The following STAT4 variants were observed in gnomAD, a reference collection of about 807,000 sequenced individuals.
STAT4 encodes the protein signal transducer and activator of transcription 4.
Under a neutral mutation model 110.5 loss-of-function variants are expected in STAT4, and 42 were observed. The observed-to-expected ratio is 0.38, with a 90% CI of 0.30 to 0.49. STAT4 has a LOEUF of 0.49. Ranked by LOEUF, STAT4 falls within the 20% of genes least tolerant of loss-of-function variation. The pLI is 0.95. For synonymous variants in STAT4, 284 were observed against 302.2 expected, an observed-to-expected ratio of 0.94 and a Z score of 0.63; for missense variants, 632 against 887.9, an observed-to-expected ratio of 0.71 and a Z score of 3.66.
chr2:191,120,026 C>T (rs1336555005), intron 3 of STAT4, among the ~76,000 whole-genome samples: 4 of 152,128 alleles, frequency 2.6e-5, no homozygotes, highest in Admixed American at 6.5e-5. Context: ...ACCCCTATCT[C>T]GTTCCAGATA....
intron 3 of STAT4, among the ~76,000 whole-genome samples, chr2:191,109,398 GC>G (rs1384877189): frequency 6.6e-6 from 1 of 152,036 alleles, no homozygotes; most frequent in African/African-American, 2.4e-5. Context: ...CATTCACTCA[GC>G]AAATATCTAC....
In STAT4 at chr2:191,051,398, A is replaced by G. The variant is rs761409940; in HGVS notation, c.1251+3092T>C. Among the ~76,000 whole-genome samples the G allele has an allele frequency of 2.0e-5, 3 of 152,224 alleles. No homozygotes were observed. The highest frequency in any genetic ancestry group is 6.5e-5 in the Admixed American group (1 of 15,280). On this transcript the variant is annotated intron_variant, in intron 14 of 23. Coordinates refer to ENST00000392320, the MANE Select transcript of STAT4 (RefSeq NM_003151.4). This position sits in a 1 kb window ranked among gnomAD's most constrained non-coding sequence, Gnocchi z 5.6. Reference sequence around the variant, plus strand: ...ACACACAGCTCATTCAGTCCTCACAACAACCCTTAGAAGTGTAGGTTAACA... The same window carrying G: ...ACACACAGCTCATTCAGTCCTCACAGCAACCCTTAGAAGTGTAGGTTAACA...
chr2:191,079,389 T>C (rs1433261435), intron 3 of STAT4, among the ~76,000 whole-genome samples: 2 of 152,216 alleles, frequency 1.3e-5, no homozygotes, highest in South Asian at 2.1e-4. Flanking sequence ...TATAATCTTA[T>C]ATGTGTTTCA....
intron 3 of STAT4, among the ~76,000 whole-genome samples, chr2:191,123,820 T>C (rs1320833849): frequency 6.6e-6 from 1 of 152,232 alleles, no homozygotes. Context: ...GAGAGTATTG[T>C]ACTGCGTTAT....
Position 191,062,896 on chromosome 2 carries a change from A to G in STAT4, c.807T>C (p.Leu269=), listed in dbSNP as rs747228179. 2 of 1,613,790 alleles carry G rather than the reference A, an allele frequency of 1.2e-6. No homozygotes were observed. The highest frequency in any genetic ancestry group is 1.7e-5 in the Admixed American group (1 of 59,994). ...TCTCCAATTGCCTTCTCAGTTGGAA[A>G]AGACTTTCTGCCAATAGTGTAAAGC... The part of the protein sequence containing the change: ...QNCFTLLAES[L]FQLRRQLEKL... Residue 269 remains leucine (L), a synonymous_variant, in exon 9 of 24, where the codon CTT becomes CTC. Coordinates refer to ENST00000392320, the MANE Select transcript of STAT4 (RefSeq NM_003151.4). This position sits in a 1 kb window ranked among gnomAD's most constrained non-coding sequence, Gnocchi z 4.9.
At position 191,113,933 on chromosome 2, in the gene STAT4, G is replaced by A. The variant is rs544225163; in HGVS notation, c.273+32680C>T. Among the ~76,000 whole-genome samples the A allele has an allele frequency of 1.3e-3, 193 of 152,276 alleles. 2 individuals carry two copies. Among genetic ancestry groups the A allele is most frequent in the African/African-American group, 4.6e-3 (193 of 41,556 alleles). On this transcript the variant is annotated intron_variant, in intron 3 of 23. Coordinates refer to ENST00000392320, the MANE Select transcript of STAT4 (RefSeq NM_003151.4). This position sits in a 1 kb window ranked among gnomAD's most constrained non-coding sequence, Gnocchi z 4.8. ...CTCTCCCTTCTGCTCAACCACCACA[G>A]ACAGGAGGTTCCCCTAGAGTTTATG...
At chr2:191,145,296 G>C (rs1559087581) in intron 3 of STAT4, among the ~76,000 whole-genome samples, 1 of 152,042 alleles carries the variant, frequency 6.6e-6, no homozygotes, top group Non-Finnish European at 1.5e-5. Context: ...ATTTTAATGT[G>C]TCAGAAATAT....
Position 191,144,010 on chromosome 2 carries a change from T to C in STAT4, c.273+2603A>G, listed in dbSNP as rs1699399632. On this transcript the variant is annotated intron_variant, in intron 3 of 23. Coordinates refer to ENST00000392320, the MANE Select transcript of STAT4 (RefSeq NM_003151.4). This position sits in a 1 kb window ranked among gnomAD's most constrained non-coding sequence, Gnocchi z 4.7. ...AATACAAATGCCCAGTAAGCACAAT[T>C]TATAAATTGATATATATGGAAGCAC... 6.6e-6 allele frequency among the ~76,000 whole-genome samples: 1 copy of C among 152,216 alleles called. No homozygotes were observed. Among genetic ancestry groups the C allele is most frequent in the Non-Finnish European group, 1.5e-5 (1 of 68,044 alleles).
chr2:191,136,643 C>T lies in STAT4; in HGVS notation c.273+9970G>A, dbSNP rs1291672669. On this transcript the variant is annotated intron_variant, in intron 3 of 23. Coordinates refer to ENST00000392320, the MANE Select transcript of STAT4 (RefSeq NM_003151.4). Reference sequence around the variant, plus strand: ...GGCATGTGCCTGTATCCCAGCTACTCAGGAGGCTGATGCAGGAGAATTGCT... The same window carrying T: ...GGCATGTGCCTGTATCCCAGCTACTTAGGAGGCTGATGCAGGAGAATTGCT... 2.0e-5 allele frequency among the ~76,000 whole-genome samples: 3 copies of T among 152,134 alleles called. No individual in the cohort carries two copies. In the East Asian group the frequency reaches 5.8e-4, roughly 29 times the overall value.
At chr2:191,114,632 C>T (rs1698524267) in intron 3 of STAT4, among the ~76,000 whole-genome samples, 1 of 152,170 alleles carries the variant, frequency 6.6e-6, no homozygotes. Flanking sequence ...ACAACACCAT[C>T]ATGACACCTC....
At chr2:191,149,212 C>T (rs1321985512) in intron 1 of STAT4, among the ~76,000 whole-genome samples, 1 of 152,152 alleles carries the variant, frequency 6.6e-6, no homozygotes, top group Non-Finnish European at 1.5e-5. Context: ...TTCAACATAT[C>T]TCATAGATAG....
At chr2:191,130,355 T>C (rs1699001393) in intron 3 of STAT4, among the ~76,000 whole-genome samples, 1 of 151,568 alleles carries the variant, frequency 6.6e-6, no homozygotes, top group South Asian at 2.1e-4. Context: ...CCCAAGTAGC[T>C]TGGACTACAG....
intron 14 of STAT4, among the ~76,000 whole-genome samples, chr2:191,049,401 C>T (rs1488764968): frequency 6.6e-6 from 1 of 152,072 alleles, no homozygotes; most frequent in African/African-American, 2.4e-5. Flanking sequence ...TGGTCTCACT[C>T]TCCTGACCTC....
chr2:191,148,045 C>T, intron 2 of STAT4, 31 bp downstream of exon 2: 1 of 1,612,240 alleles, frequency 6.2e-7, no homozygotes, highest in Non-Finnish European at 8.5e-7. Flanking sequence ...ATTTGTGCAT[C>T]AACTTCTAGG....
intron 3 of STAT4, among the ~76,000 whole-genome samples, chr2:191,126,461 C>T (rs992498685): frequency 1.3e-5 from 2 of 152,222 alleles, no homozygotes; most frequent in African/African-American, 2.4e-5. Context: ...CCATGATGCT[C>T]CTAGCCAATG....
At chr2:191,139,332 C>T (rs763312037) in intron 3 of STAT4, among the ~76,000 whole-genome samples, 5 of 152,098 alleles carry the variant, frequency 3.3e-5, no homozygotes, top group East Asian at 1.9e-4. Context: ...ATGATATAAT[C>T]GTATACCTAG....
intron 7 of STAT4, among the ~76,000 whole-genome samples, chr2:191,065,185 T>C (rs969650600): frequency 6.6e-6 from 1 of 152,214 alleles, no homozygotes; most frequent in Non-Finnish European, 1.5e-5. Flanking sequence ...ATTCTCATCG[T>C]GTTTCAGTAT....
chr2:191,076,168 C>T, intron 4 of STAT4, 59 bp downstream of exon 4: 2 of 1,398,196 alleles, frequency 1.4e-6, no homozygotes, highest in Non-Finnish European at 2.0e-6. Flanking sequence ...ATAATAATTT[C>T]TGTTTCAGAA....
At chr2:191,065,404 T>C (rs1370046417) in intron 7 of STAT4, among the ~76,000 whole-genome samples, 3 of 152,192 alleles carry the variant, frequency 2.0e-5, no homozygotes, top group Admixed American at 6.5e-5. Context: ...GGAGGCATAA[T>C]GGAGAATTAT....
Sources: allele counts gnomAD v4.1 joint callset (sites outside exome capture counted in the v4.1 genomes callset), GRCh38; gene constraint gnomAD v4.1.1; non-coding constraint Gnocchi (gnomAD v3.1); transcripts MANE v1.5; gene names NCBI Gene and HGNC (gene_info 2026-07-23, HGNC 2026-07-21).